SCML4: variants seen among roughly 807,000 people sequenced by gnomAD.
SCML4 encodes the protein sex comb on midleg-like protein 4.
A neutral mutation model predicts 41.1 loss-of-function variants in SCML4; 34 were observed. The observed-to-expected ratio is 0.83, with a 90% CI of 0.63 to 1.10. SCML4 has a LOEUF of 1.10. SCML4 is among the 50% of genes least tolerant of loss of function. The pLI, the probability that SCML4 is intolerant of heterozygous loss-of-function variation, is 0.00. For synonymous variants in SCML4, 214 were observed against 220.9 expected (o/e 0.97, Z 0.28); for missense variants, 522 against 534.1 (o/e 0.98, Z 0.22).
intron 1 of SCML4, 138 bp downstream of exon 1, chr6:107,823,988 T>C (rs13220047): frequency 0.42 from 63,143 of 152,134 alleles, 16,148 homozygotes; most frequent in East Asian, 0.71. Context: ...GTGGTTTTAG[T>C]GCAGGACACT....
chr6:107,747,775 G>C (rs890153471), intron 3 of SCML4, among the ~76,000 whole-genome samples: 2 of 152,112 alleles, frequency 1.3e-5, no homozygotes, highest in Non-Finnish European at 2.9e-5. Flanking sequence ...TTTGTACAGA[G>C]AAGACTGCCC....
chr6:107,743,486 C>T lies in SCML4; in HGVS notation c.682+1463G>A, dbSNP rs9486682. On this transcript the variant is annotated intron_variant, in intron 5 of 7. Transcript: ENST00000369020. ...ATTCTGCTATTCTCATTGCAACACTCACTAGAAGATAAATAGTTTAAGAAT... is the reference window on the plus strand; with the variant it reads ...ATTCTGCTATTCTCATTGCAACACTTACTAGAAGATAAATAGTTTAAGAAT... Among the ~76,000 whole-genome samples the T allele has an allele frequency of 5.0e-3, 754 of 152,320 alleles. 7 individuals are homozygous for T. The highest frequency in any genetic ancestry group is 0.017 in the African/African-American group (713 of 41,560).
the SCML4 span, among the ~76,000 whole-genome samples, chr6:107,835,670 T>C: frequency 2.2e-5 from 3 of 139,428 alleles, no homozygotes; most frequent in African/African-American, 8.1e-5. Flanking sequence ...TGCACTGAGA[T>C]GGGATGATCA....
upstream of SCML4, among the ~76,000 whole-genome samples, chr6:107,826,824 G>C (rs1785271385): frequency 6.6e-6 from 1 of 152,238 alleles, no homozygotes. Flanking sequence ...AGCACTTTGG[G>C]AGGCTGAGGT....
chr6:107,795,850 T>C (rs1284254884), intron 1 of SCML4, among the ~76,000 whole-genome samples: 4 of 152,170 alleles, frequency 2.6e-5, no homozygotes, highest in Admixed American at 6.5e-5. Context: ...ATGCCTCTTC[T>C]CTGTCAGTCC....
intron 5 of SCML4, among the ~76,000 whole-genome samples, chr6:107,740,947 T>C (rs370377324): frequency 1.3e-5 from 2 of 152,150 alleles, no homozygotes; most frequent in Admixed American, 6.5e-5. Flanking sequence ...TAGCGAGCTA[T>C]GGGAGGAGGC....
chr6:107,772,305 C>T lies in SCML4; in HGVS notation c.23G>A (p.Gly8Glu). Residue 8 changes from glycine (G) to glutamate (E), a missense_variant, in exon 2 of 8, where the codon GGG becomes GAG. Physicochemically the swap from Gly to Glu is moderately conservative, Grantham distance 98. Coordinates refer to ENST00000369020, the MANE Select transcript of SCML4 (RefSeq NM_198081.5). ...AAGTGAGGGTCGGCCTCGCTTTCTC[C>T]CCGGGATCCTTTGAGACTGCATTTC... is the stretch of plus-strand genomic sequence containing the variant. MQSQRIP[G>E]RKRGRPSLHS... 4 of 1,551,184 alleles carry T rather than the reference C, an allele frequency of 2.6e-6. No homozygotes were observed. The highest frequency in any genetic ancestry group is 3.5e-6 in the Non-Finnish European group (4 of 1,146,800).
At chr6:107,723,032 T>A (rs1015380436) in intron 5 of SCML4, among the ~76,000 whole-genome samples, 1 of 151,752 alleles carries the variant, frequency 6.6e-6, no homozygotes, top group Non-Finnish European at 1.5e-5. Context: ...TTTAGCTACA[T>A]TGACAAAAAA....
rs1407635608 is a variant in SCML4, at chr6:107,709,933, C to T, written c.974-1922G>A. 2.0e-5 allele frequency among the ~76,000 whole-genome samples: 3 copies of T among 152,170 alleles called. No individual in the cohort carries two copies. The East Asian group carries it at 5.8e-4, about 29-fold the overall frequency. On this transcript the variant is annotated intron_variant, in intron 6 of 7. Transcript: ENST00000369020. ...CCATGTTGGTCAGGCTGGTTGGGAA[C>T]TCCTGACCTCAGGTGATCCACCCAT... is the stretch of plus-strand genomic sequence containing the variant.
At chr6:107,811,599 G>C (rs1420353361) in intron 1 of SCML4, among the ~76,000 whole-genome samples, 1 of 152,094 alleles carries the variant, frequency 6.6e-6, no homozygotes, top group East Asian at 1.9e-4. Flanking sequence ...CAGCCTAAAT[G>C]GGAAAAAATG....
At chr6:107,802,780 C>G (rs1007057650) in intron 1 of SCML4, among the ~76,000 whole-genome samples, 2 of 150,016 alleles carry the variant, frequency 1.3e-5, no homozygotes, top group Non-Finnish European at 3.0e-5. Flanking sequence ...TCCACGGTCT[C>G]CCCCTGATGC....
At chr6:107,731,344 G>A (rs1467359661) in intron 5 of SCML4, among the ~76,000 whole-genome samples, 1 of 152,156 alleles carries the variant, frequency 6.6e-6, no homozygotes, top group East Asian at 1.9e-4. Context: ...CTAACCAAAT[G>A]AAGTCCTGAA....
intron 1 of SCML4, among the ~76,000 whole-genome samples, chr6:107,795,604 T>G (rs1782647953): frequency 1.3e-5 from 2 of 152,312 alleles, no homozygotes; most frequent in Non-Finnish European, 2.9e-5. Context: ...CTCAGCTCAC[T>G]GCAACCTCCA....
intron 5 of SCML4, among the ~76,000 whole-genome samples, chr6:107,726,532 C>CAAAAAAAAAAAAAAAAAAA (rs59013088): frequency 1.4e-5 from 1 of 72,394 alleles, no homozygotes; most frequent in Non-Finnish European, 2.4e-5. Context: ...GACTCCATCT[C>CAAAAAAAAAAAAAAAAAAA]AAAAAAAAAA....
At chr6:107,733,744 G>A (rs1411317745) in intron 5 of SCML4, among the ~76,000 whole-genome samples, 1 of 152,210 alleles carries the variant, frequency 6.6e-6, no homozygotes, top group Non-Finnish European at 1.5e-5. Flanking sequence ...ACCAGTCCTT[G>A]TGCTTCCACT....
the SCML4 span, among the ~76,000 whole-genome samples, chr6:107,830,079 G>A: frequency 4.1e-3 from 626 of 152,208 alleles, 7 homozygotes; most frequent in African/African-American, 0.014. Flanking sequence ...ACAAAAATTA[G>A]GGACATATTC....
chr6:107,805,433 TGAG>T (rs1424825955), intron 1 of SCML4, among the ~76,000 whole-genome samples: 1 of 152,224 alleles, frequency 6.6e-6, no homozygotes, highest in African/African-American at 2.4e-5. Context: ...TCACTAATTG[TGAG>T]GAGGACTGAG....
chr6:107,830,195 T>C, the SCML4 span, among the ~76,000 whole-genome samples: 1 of 152,078 alleles, frequency 6.6e-6, no homozygotes, highest in Admixed American at 6.6e-5. Flanking sequence ...ACATAGGAAG[T>C]TGGTGATTGA....
chr6:107,724,498 A>G (rs1562184278), intron 5 of SCML4, among the ~76,000 whole-genome samples: 1 of 152,258 alleles, frequency 6.6e-6, no homozygotes, highest in African/African-American at 2.4e-5. Flanking sequence ...GCAATTAACA[A>G]TTAGAAAATA....
Sources: gnomAD v4.1 joint callset for allele counts (sites outside exome capture counted in the v4.1 genomes callset) on GRCh38, gnomAD v4.1.1 for gene constraint, MANE v1.5 for transcripts, NCBI Gene and HGNC (gene_info 2026-07-23, HGNC 2026-07-21) for gene names.